Variants in CMTR1 observed in about 807,000 individuals in gnomAD.
CMTR1 encodes cap-specific mRNA (nucleoside-2'-O-)-methyltransferase 1.
A neutral mutation model predicts 107.0 loss-of-function variants in CMTR1; 39 were observed. The observed-to-expected ratio is 0.36, with a 90% CI of 0.28 to 0.48. The LOEUF is 0.48. Among genes scored for constraint, CMTR1 ranks in the 20% least tolerant of loss-of-function variants. CMTR1 has a pLI of 0.99. For synonymous variants in CMTR1, 366 were observed against 379.5 expected (o/e 0.96, Z 0.41); for missense variants, 672 against 1,064.9 (o/e 0.63, Z 5.14).
chr6:37,435,669 A>G lies in CMTR1; in HGVS notation c.40A>G (p.Lys14Glu). 1 of 1,601,180 alleles carries G rather than the reference A, an allele frequency of 6.2e-7. No individual in the cohort carries two copies. Among genetic ancestry groups the G allele is most frequent in the Non-Finnish European group, 8.5e-7 (1 of 1,175,078 alleles). ...TGACCCAGAATGCACTGCCCCCATC[A>G]AGAAACAGAAAAAAAGAGTTGCAGA... ...RTDPECTAPI[K>E]KQKKRVAELA... Residue 14 changes from lysine to glutamate, a missense_variant, in exon 2 of 24, where the codon AAG becomes GAG. Lys to Glu is a moderately conservative substitution (Grantham distance 56). Coordinates refer to ENST00000373451, the MANE Select transcript of CMTR1 (RefSeq NM_015050.3).
At chr6:37,424,466 C>G in the CMTR1 span, among the ~76,000 whole-genome samples, 12 of 151,626 alleles carry the variant, frequency 7.9e-5, no homozygotes, top group African/African-American at 2.9e-4. Context: ...CCAGGATGGT[C>G]TGGATCTCCT....
intron 6 of CMTR1, among the ~76,000 whole-genome samples, chr6:37,452,732 A>T (rs1300020839): frequency 6.6e-6 from 1 of 152,168 alleles, no homozygotes; most frequent in Admixed American, 6.5e-5. Flanking sequence ...AGCTGCTGGT[A>T]TGGGATGGAG....
chr6:37,456,406 G>A (rs1761295055), intron 8 of CMTR1, among the ~76,000 whole-genome samples: 1 of 152,230 alleles, frequency 6.6e-6, no homozygotes, highest in Admixed American at 6.5e-5. Context: ...CAGCATGCCT[G>A]GAGTGGGCTT....
intron 13 of CMTR1, among the ~76,000 whole-genome samples, chr6:37,469,550 T>C (rs1313547209): frequency 1.6e-5 from 2 of 122,628 alleles, no homozygotes; most frequent in Admixed American, 1.0e-4. Context: ...TTTTTTGAGA[T>C]GGAGTCTCGC....
chr6:37,428,032 G>C, the CMTR1 span, among the ~76,000 whole-genome samples: 97 of 148,350 alleles, frequency 6.5e-4, 1 homozygote, highest in South Asian at 0.019. Context: ...GAGAGAGAGA[G>C]AGAGAGAGAG....
In CMTR1 at chr6:37,444,140, A is replaced by T. The variant is rs1280637684; in HGVS notation, c.275A>T (p.Gln92Leu). The change falls in exon 3 of 24, where the codon CAG (glutamine) becomes CTG (leucine). Residue 92 changes from glutamine (Q) to leucine (L), a missense_variant. By Grantham distance (113) the Gln-to-Leu change is moderately radical. Coordinates refer to ENST00000373451, the MANE Select transcript of CMTR1 (RefSeq NM_015050.3). ...SRYSMYNSVS[Q>L]KLMAKMGFRE... ...TATTCCATGTATAATAGCGTCTCCCAGAAGCTTATGGTATGTCAGCGCTTG... is the reference window on the plus strand; with the variant it reads ...TATTCCATGTATAATAGCGTCTCCCTGAAGCTTATGGTATGTCAGCGCTTG... 1 of 1,613,998 alleles carries T rather than the reference A, an allele frequency of 6.2e-7. No homozygotes were observed. The highest frequency in any genetic ancestry group is 8.5e-7 in the Non-Finnish European group (1 of 1,180,026).
chr6:37,438,186 C>G (rs1227664341), intron 2 of CMTR1, among the ~76,000 whole-genome samples: 1 of 151,920 alleles, frequency 6.6e-6, no homozygotes, highest in Non-Finnish European at 1.5e-5. Flanking sequence ...TTGAGACCAG[C>G]CTGGGGAACA....
rs560743090 is a variant in CMTR1, at chr6:37,435,772, C to T, written c.133+10C>T. On this transcript the variant is annotated intron_variant, in intron 2 of 23. Transcript: ENST00000373451. ...AGTCATGGAGCAAAAGGTACGTGTG[C>T]TTGTGTGGTCTGAGGCCACTGGCCA... is the stretch of plus-strand genomic sequence containing the variant. The T allele has an allele frequency of 1.1e-5, 17 of 1,578,460 alleles. No homozygotes were observed. The Admixed American group carries it at 3.2e-4, about 30-fold the overall frequency.
In CMTR1 at chr6:37,480,043, G is replaced by C. The variant is rs1215481320; in HGVS notation, c.2406G>C (p.Glu802Asp). 1.6e-5 allele frequency: 25 copies of C among 1,584,816 alleles called. No individual in the cohort carries two copies. Among genetic ancestry groups the C allele is most frequent in the Non-Finnish European group, 2.1e-5 (24 of 1,168,826 alleles). Residue 802 changes from glutamate (E) to aspartate (D), a missense_variant, in exon 24 of 24, where the codon GAG becomes GAC. Coordinates refer to ENST00000373451, the MANE Select transcript of CMTR1 (RefSeq NM_015050.3). ...GCTACTATGGCCGGCTCTTCTGGGAGTGGGGGGATGGCATTCGTGTGCATG... is the reference window on the plus strand; with the variant it reads ...GCTACTATGGCCGGCTCTTCTGGGACTGGGGGGATGGCATTCGTGTGCATG... ...HICYYGRLFWEWGDGIRVHDS... is the reference protein window; with the variant it reads ...HICYYGRLFWDWGDGIRVHDS...
intron 13 of CMTR1, among the ~76,000 whole-genome samples, chr6:37,466,863 T>C (rs1240086314): frequency 1.3e-5 from 2 of 152,152 alleles, no homozygotes; most frequent in East Asian, 1.9e-4. Flanking sequence ...TTTAATGTTA[T>C]AAATTTTCCT....
rs777409300 is a variant in CMTR1 at position 37,459,663 on chromosome 6, C to T, written c.1074C>T (p.Val358=). The T allele has an allele frequency of 1.2e-5, 19 of 1,613,824 alleles. No individual in the cohort carries two copies. Among genetic ancestry groups the T allele is most frequent in the Non-Finnish European group, 1.6e-5 (19 of 1,179,842 alleles). ...FVLDNTDRKG[V]HFLMADGGFS... ...TGGATAACACAGATCGCAAGGGTGT[C>T]CATTTTCTGATGGCTGATGGGGTAG... The change falls in exon 10 of 24, where the codon GTC becomes GTT. Residue 358 remains valine (V), a synonymous_variant. Transcript: ENST00000373451.
intron 20 of CMTR1, among the ~76,000 whole-genome samples, chr6:37,476,795 C>T (rs903641159): frequency 1.1e-4 from 17 of 152,212 alleles, no homozygotes; most frequent in Non-Finnish European, 2.1e-4. Context: ...GAGCTTCATG[C>T]GGCTGGAGAC....
chr6:37,481,213 A>G lies in CMTR1; in HGVS notation c.*1068A>G. On this transcript the variant is annotated 3_prime_UTR_variant, in exon 24 of 24. Transcript: ENST00000373451. Reference sequence around the variant, plus strand: ...CAGAGAGGAGGGGGAGCTGGGCAGTAGCTTGGGGTGGGGGTGGGCACCTGT... The same window carrying G: ...CAGAGAGGAGGGGGAGCTGGGCAGTGGCTTGGGGTGGGGGTGGGCACCTGT... The G allele has an allele frequency of 4.7e-6, 5 of 1,057,492 alleles. No homozygotes were observed. The highest frequency in any genetic ancestry group is 1.3e-5 in the South Asian group (1 of 75,084). The allele number at this position is 1,057,492 out of a possible 1,614,324, so 65.5% of individuals were successfully genotyped here.
intron 20 of CMTR1, among the ~76,000 whole-genome samples, chr6:37,476,556 G>T (rs1761741729): frequency 6.6e-6 from 1 of 152,152 alleles, no homozygotes; most frequent in African/African-American, 2.4e-5. Flanking sequence ...GAGGGAATAG[G>T]AATTTTGAAC....
intron 8 of CMTR1, among the ~76,000 whole-genome samples, chr6:37,457,181 C>A (rs1294903211): frequency 6.7e-6 from 1 of 149,634 alleles, no homozygotes; most frequent in Non-Finnish European, 1.5e-5. Context: ...TATTGTACCA[C>A]TGTACTCCAG....
intron 1 of CMTR1, 82 bp from the exon 2 acceptor site, chr6:37,435,542 A>G: frequency 1.4e-6 from 2 of 1,466,172 alleles, no homozygotes; most frequent in Non-Finnish European, 1.8e-6. Flanking sequence ...CATCCCATTG[A>G]TGATTTACAC....
intron 4 of CMTR1, among the ~76,000 whole-genome samples, chr6:37,447,130 C>T (rs1771815035): frequency 1.3e-5 from 2 of 152,130 alleles, no homozygotes; most frequent in Admixed American, 6.5e-5. Context: ...TGAGATATTA[C>T]CATTACAGAG....
intron 3 of CMTR1, among the ~76,000 whole-genome samples, chr6:37,444,535 C>T (rs1771742581): frequency 6.6e-6 from 1 of 152,158 alleles, no homozygotes; most frequent in African/African-American, 2.4e-5. Flanking sequence ...AAATCCTGTT[C>T]ACTCCCAGAT....
chr6:37,455,211 A>G (rs1198911855), intron 8 of CMTR1, among the ~76,000 whole-genome samples: 2 of 152,076 alleles, frequency 1.3e-5, no homozygotes, highest in African/African-American at 4.8e-5. Context: ...CAGCCTCCCA[A>G]GTACTGGGAT....
Sources: allele counts gnomAD v4.1 joint callset (sites outside exome capture counted in the v4.1 genomes callset), GRCh38; gene constraint gnomAD v4.1.1; transcripts MANE v1.5; gene names NCBI Gene and HGNC (gene_info 2026-07-23, HGNC 2026-07-21).